Variants in DNER observed in about 807,000 individuals in gnomAD.
The protein encoded by DNER is delta/notch like EGF repeat containing.
A neutral mutation model predicts 78.2 loss-of-function variants in DNER; 33 were observed. The observed-to-expected ratio is 0.42, with a 90% CI of 0.32 to 0.56. DNER has a LOEUF of 0.56. DNER is among the 20% of genes least tolerant of loss of function. DNER has a pLI of 0.11. For synonymous variants in DNER, 417 were observed against 384.8 expected, an observed-to-expected ratio of 1.08 and a Z score of -0.98; for missense variants, 918 against 975.3, an observed-to-expected ratio of 0.94 and a Z score of 0.78.
intron 1 of DNER, among the ~76,000 whole-genome samples, chr2:229,634,744 G>T (rs751238826): frequency 6.6e-6 from 1 of 152,140 alleles, no homozygotes; most frequent in Admixed American, 6.5e-5. Context: ...CCGGCCCAAA[G>T]GAGTCTGTCA....
chr2:229,703,246 C>T (rs1057439565), intron 1 of DNER, among the ~76,000 whole-genome samples: 1 of 152,118 alleles, frequency 6.6e-6, no homozygotes. Flanking sequence ...CCCACACATG[C>T]TTGGTCAAAT....
intron 4 of DNER, among the ~76,000 whole-genome samples, chr2:229,552,334 G>C (rs1696761299): frequency 6.6e-6 from 1 of 152,128 alleles, no homozygotes; most frequent in Non-Finnish European, 1.5e-5. Context: ...GTAAATGTTT[G>C]GCCCAATAAT....
intron 12 of DNER, among the ~76,000 whole-genome samples, chr2:229,363,265 T>C (rs541616052): frequency 6.6e-6 from 1 of 152,348 alleles, no homozygotes; most frequent in Non-Finnish European, 1.5e-5. Context: ...CAGTCACTCG[T>C]GTGACCCACT....
intron 7 of DNER, among the ~76,000 whole-genome samples, chr2:229,470,253 C>T (rs527402211): frequency 1.3e-5 from 2 of 152,078 alleles, no homozygotes; most frequent in African/African-American, 2.4e-5. Context: ...ATCAAGGTAT[C>T]ATTTAAGTAT....
intron 4 of DNER, among the ~76,000 whole-genome samples, chr2:229,572,661 T>C (rs1406309694): frequency 2.0e-5 from 3 of 152,066 alleles, no homozygotes; most frequent in Non-Finnish European, 4.4e-5. Flanking sequence ...ACCTTGATAG[T>C]GGGAGAGAGA....
chr2:229,578,932 A>G (rs1237374429), intron 4 of DNER, among the ~76,000 whole-genome samples: 1 of 152,202 alleles, frequency 6.6e-6, no homozygotes, highest in African/African-American at 2.4e-5. Context: ...AAGAAATATC[A>G]TCCACATCTT....
chr2:229,518,474 TA>T (rs1696024477), intron 5 of DNER, among the ~76,000 whole-genome samples: 1 of 152,242 alleles, frequency 6.6e-6, no homozygotes. Flanking sequence ...TAAAGAAGTG[TA>T]AATTGATACG....
At chr2:229,406,326 T>G (rs1693381180) in intron 10 of DNER, among the ~76,000 whole-genome samples, 1 of 152,188 alleles carries the variant, frequency 6.6e-6, no homozygotes, top group Non-Finnish European at 1.5e-5. Flanking sequence ...CAATTTGCAA[T>G]CCAGAGTGAC....
intron 11 of DNER, among the ~76,000 whole-genome samples, chr2:229,385,978 T>C (rs923216690): frequency 3.3e-5 from 5 of 151,596 alleles, no homozygotes; most frequent in Non-Finnish European, 5.9e-5. Flanking sequence ...TACTTTAAAG[T>C]TCATATAGAA....
At chr2:229,513,716 T>C (rs114461787) in intron 5 of DNER, among the ~76,000 whole-genome samples, 1,774 of 152,276 alleles carry the variant, frequency 0.012, 20 homozygotes, top group Middle Eastern at 0.037. Context: ...ACAGAAGATT[T>C]TTATGAGGAA....
chr2:229,467,508 G>A (rs1197619768), intron 7 of DNER, among the ~76,000 whole-genome samples: 1 of 152,134 alleles, frequency 6.6e-6, no homozygotes, highest in Non-Finnish European at 1.5e-5. Context: ...CTGCCTTAAG[G>A]TGGTCAGAGT....
intron 6 of DNER, among the ~76,000 whole-genome samples, chr2:229,511,895 T>C (rs1256874988): frequency 6.6e-6 from 1 of 152,238 alleles, no homozygotes; most frequent in African/African-American, 2.4e-5. Context: ...CCTGATTACA[T>C]AAAGCATAGA....
At chr2:229,703,338 G>T (rs977809266) in intron 1 of DNER, among the ~76,000 whole-genome samples, 15 of 152,002 alleles carry the variant, frequency 9.9e-5, no homozygotes, top group African/African-American at 3.6e-4. Flanking sequence ...TTAGACATTT[G>T]TAAGCAAAAA....
chr2:229,438,315 G>A (rs75464083), intron 8 of DNER, among the ~76,000 whole-genome samples: 5 of 152,196 alleles, frequency 3.3e-5, no homozygotes, highest in Non-Finnish European at 5.9e-5. Flanking sequence ...ATCCATCTCA[G>A]GAGCTATGCT....
At chr2:229,642,106 G>C (rs566238621) in intron 1 of DNER, among the ~76,000 whole-genome samples, 1 of 152,296 alleles carries the variant, frequency 6.6e-6, no homozygotes, top group East Asian at 1.9e-4. Context: ...ATTAAACATA[G>C]TCTATTACCT....
chr2:229,566,209 C>T (rs901806414), intron 4 of DNER, among the ~76,000 whole-genome samples: 2 of 152,170 alleles, frequency 1.3e-5, no homozygotes, highest in African/African-American at 2.4e-5. Flanking sequence ...GTTTACCTGC[C>T]TGGCTATTGC....
At chr2:229,442,011 T>A (rs1046578007) in intron 8 of DNER, among the ~76,000 whole-genome samples, 3 of 152,084 alleles carry the variant, frequency 2.0e-5, no homozygotes, top group Non-Finnish European at 4.4e-5. Context: ...TAAAGCAAAC[T>A]CTCCCTTGCT....
chr2:229,585,218 A>G (rs1390460957), intron 4 of DNER, among the ~76,000 whole-genome samples: 1 of 152,216 alleles, frequency 6.6e-6, no homozygotes, highest in Non-Finnish European at 1.5e-5. Context: ...CAATTTCTGG[A>G]AAAAGAAGCA....
chr2:229,503,763 G>A (rs1695675622), intron 6 of DNER, among the ~76,000 whole-genome samples: 1 of 152,098 alleles, frequency 6.6e-6, no homozygotes. Flanking sequence ...TTTGTTTTGA[G>A]ACAGCATCTC....
Sources: gnomAD v4.1 joint callset for allele counts (sites outside exome capture counted in the v4.1 genomes callset) on GRCh38, gnomAD v4.1.1 for gene constraint, MANE v1.5 for transcripts, NCBI Gene and HGNC (gene_info 2026-07-23, HGNC 2026-07-21) for gene names.